CTTNBP2: variants seen among roughly 807,000 people sequenced by gnomAD.
The protein encoded by CTTNBP2 is cortactin-binding protein 2.
CTTNBP2 carries 108 observed loss-of-function variants against 156.9 expected under a neutral mutation model. The ratio of observed to expected loss-of-function variants is 0.69; its 90% CI spans 0.59 to 0.81. CTTNBP2 has a LOEUF of 0.81. CTTNBP2 is among the 30% of genes least tolerant of loss of function. CTTNBP2 has a pLI of 0.00. For missense variants in CTTNBP2, 1,924 were observed against 2,035.4 expected (o/e 0.95, Z 1.05); for synonymous variants, 767 against 751.8 (o/e 1.02, Z -0.33).
intron 8 of CTTNBP2, among the ~76,000 whole-genome samples, chr7:117,774,258 G>C (rs1797978546): frequency 6.6e-6 from 1 of 152,112 alleles, no homozygotes; most frequent in Non-Finnish European, 1.5e-5. Context: ...GTGGAAAAAG[G>C]ACAGATTTGG....
At chr7:117,867,970 T>C (rs1487393981) in intron 1 of CTTNBP2, among the ~76,000 whole-genome samples, 1 of 152,194 alleles carries the variant, frequency 6.6e-6, no homozygotes, top group Admixed American at 6.5e-5. Context: ...CTGGAAAGAA[T>C]GGCAGAAAAG....
intron 11 of CTTNBP2, 83 bp downstream of exon 11, chr7:117,757,792 C>T (rs753904535): frequency 1.7e-5 from 14 of 823,404 alleles, no homozygotes; most frequent in Non-Finnish European, 2.1e-5. Flanking sequence ...TGGGATGAAA[C>T]GTGAAGATTT....
At chr7:117,798,292 CA>C (rs1418501554) in intron 3 of CTTNBP2, among the ~76,000 whole-genome samples, 1 of 151,854 alleles carries the variant, frequency 6.6e-6, no homozygotes, top group African/African-American at 2.4e-5. Flanking sequence ...TAGAATATAC[CA>C]AAACTACAAA....
chr7:117,830,811 C>T (rs911571792), intron 2 of CTTNBP2, among the ~76,000 whole-genome samples: 3 of 152,134 alleles, frequency 2.0e-5, no homozygotes, highest in Non-Finnish European at 4.4e-5. Context: ...ACTTCTCTGG[C>T]TGAATTAATT....
rs775369236 is a variant in CTTNBP2, at chr7:117,734,934, T to A, written c.3855A>T (p.Leu1285Phe). 1.3e-6 allele frequency: 2 copies of A among 1,599,726 alleles called. No homozygotes were observed. Among genetic ancestry groups the A allele is most frequent in the Non-Finnish European group, 1.7e-6 (2 of 1,170,332 alleles). ...EPMQGLLQRF[L>F]RRKVVNKFKG... Reference sequence around the variant, plus strand: ...TTACCTTATTCACAACTTTCCTTCGTAAGAACCTCTGCAGCAGTCCTTGCA... The same window carrying A: ...TTACCTTATTCACAACTTTCCTTCGAAAGAACCTCTGCAGCAGTCCTTGCA... The change falls in exon 16 of 23, where the codon TTA (leucine) becomes TTT (phenylalanine). Residue 1285 changes from leucine (L) to phenylalanine (F), a missense_variant. Physicochemically the swap from Leu to Phe is conservative, Grantham distance 22. Transcript: ENST00000160373.
chr7:117,860,185 A>G (rs1012565489), intron 2 of CTTNBP2, among the ~76,000 whole-genome samples: 9 of 152,200 alleles, frequency 5.9e-5, no homozygotes, highest in Admixed American at 2.0e-4. Flanking sequence ...ACCAAGAACC[A>G]AAAAATAACT....
intron 4 of CTTNBP2, among the ~76,000 whole-genome samples, chr7:117,786,755 T>C (rs1798723454): frequency 6.6e-6 from 1 of 152,236 alleles, no homozygotes; most frequent in African/African-American, 2.4e-5. Flanking sequence ...ATCTAGGCTT[T>C]TGAGGGGAGG....
rs1306546163 is a variant in CTTNBP2, at chr7:117,791,803, T to C, written c.1393A>G (p.Thr465Ala). 6.2e-7 allele frequency: 1 copy of C among 1,614,094 alleles called. No individual in the cohort carries two copies. Among genetic ancestry groups the C allele is most frequent in the African/African-American group, 1.3e-5 (1 of 74,934 alleles). Reference sequence around the variant, plus strand: ...TCTCTTGACGGAGGACTTTGGGTAGTATTTCCATTTTGGTCTGGGTCGTTA... The same window carrying C: ...TCTCTTGACGGAGGACTTTGGGTAGCATTTCCATTTTGGTCTGGGTCGTTA... ...NANDPDQNGN[T>A]TQSPPSRDVS... The change falls in exon 4 of 23, where the codon ACT becomes GCT. Residue 465 changes from threonine to alanine, a missense_variant. Physicochemically the swap from Thr to Ala is moderately conservative, Grantham distance 58. Transcript: ENST00000160373.
At chr7:117,834,886 C>T (rs1038963844) in intron 2 of CTTNBP2, among the ~76,000 whole-genome samples, 67 of 152,300 alleles carry the variant, frequency 4.4e-4, no homozygotes, top group African/African-American at 1.5e-3. Flanking sequence ...GTTGGGTTTA[C>T]TTACTCAAAA....
chr7:117,734,966 C>G lies in CTTNBP2; in HGVS notation c.3823G>C (p.Glu1275Gln). Residue 1275 changes from glutamate (E) to glutamine (Q), a missense_variant, in exon 16 of 23, where the codon GAG becomes CAG. By Grantham distance (29) the Glu-to-Gln change is conservative. Transcript: ENST00000160373. ...FRWVQLRWDG[E>Q]PMQGLLQRFL... ...CTCTGCAGCAGTCCTTGCATGGGCT[C>G]GCCATCCCACCGCAGCTGCACCCAG... 2 of 1,613,452 alleles carry G rather than the reference C, an allele frequency of 1.2e-6. No homozygotes were observed. The highest frequency in any genetic ancestry group is 8.5e-7 in the Non-Finnish European group (1 of 1,179,460).
chr7:117,803,539 A>T (rs992133724), intron 3 of CTTNBP2, among the ~76,000 whole-genome samples: 6 of 152,210 alleles, frequency 3.9e-5, no homozygotes, highest in African/African-American at 1.4e-4. Flanking sequence ...ATAAAATCGA[A>T]ATTATTTTTT....
At chr7:117,736,440 GAA>G (rs572104388) in intron 14 of CTTNBP2, among the ~76,000 whole-genome samples, 112 of 144,508 alleles carry the variant, frequency 7.8e-4, no homozygotes, top group African/African-American at 2.7e-3. Flanking sequence ...ACTGTGTCTA[GAA>G]AAAAAAAAAA....
Position 117,746,044 on chromosome 7 carries a change from T to A in CTTNBP2, c.3404A>T (p.Tyr1135Phe), listed in dbSNP as rs1025905057. Residue 1135 changes from tyrosine to phenylalanine, a missense_variant, in exon 13 of 23, where the codon TAC (tyrosine) becomes TTC (phenylalanine). Physicochemically the swap from Tyr to Phe is conservative, Grantham distance 22 (BLOSUM62 3). Transcript: ENST00000160373. Reference protein sequence around the residue: ...FHGPEGSLQDYIVHQLALCLK... With the variant: ...FHGPEGSLQDFIVHQLALCLK... The stretch of plus-strand genomic sequence containing the variant: ...GCAGAGTGCAAGCTGATGTACTATG[T>A]AGTCTTGCAAGCTTCCTTCTGGGCC... The A allele has an allele frequency of 6.2e-7, 1 of 1,614,110 alleles. No individual in the cohort carries two copies. Among genetic ancestry groups the A allele is most frequent in the Admixed American group, 1.7e-5 (1 of 60,034 alleles).
intron 10 of CTTNBP2, among the ~76,000 whole-genome samples, chr7:117,758,765 A>T: frequency 6.6e-6 from 1 of 152,208 alleles, no homozygotes; most frequent in East Asian, 1.9e-4. Context: ...GCACTAAACT[A>T]AGTCCTTTAT....
chr7:117,849,224 T>C (rs561025351), intron 2 of CTTNBP2, among the ~76,000 whole-genome samples: 3 of 152,236 alleles, frequency 2.0e-5, no homozygotes, highest in Non-Finnish European at 4.4e-5. Context: ...CCCGATGTGA[T>C]GTTACACAAA....
chr7:117,780,536 C>T lies in CTTNBP2; in HGVS notation c.2428G>A (p.Gly810Arg), dbSNP rs996694154. Residue 810 changes from glycine to arginine, a missense_variant, in exon 7 of 23, where the codon GGA (glycine) becomes AGA (arginine). By Grantham distance (125) the Gly-to-Arg change is moderately radical. Coordinates refer to ENST00000160373, the MANE Select transcript of CTTNBP2 (RefSeq NM_033427.3). ...CAGGCCAGGTATAGAGGTGTCTGTCCTCCATCAGCAGCATGATTAATGTTA... is the reference window on the plus strand; with the variant it reads ...CAGGCCAGGTATAGAGGTGTCTGTCTTCCATCAGCAGCATGATTAATGTTA... ...DANINHAADG[G>R]QTPLYLACKN... is the part of the protein sequence containing the mutation. 13 of 1,593,424 alleles carry T rather than the reference C, an allele frequency of 8.2e-6. No homozygotes were observed. The African/African-American group carries it at 1.4e-4, about 17-fold the overall frequency.
chr7:117,863,272 G>A (rs573429977), intron 1 of CTTNBP2, among the ~76,000 whole-genome samples: 8 of 152,296 alleles, frequency 5.3e-5, no homozygotes, highest in East Asian at 3.9e-4. Context: ...AAAGGCAAGC[G>A]CTAAGGATAA....
chr7:117,812,651 T>C (rs34308090), intron 2 of CTTNBP2, among the ~76,000 whole-genome samples: 1,729 of 152,342 alleles, frequency 0.011, 37 homozygotes, highest in African/African-American at 0.039. Flanking sequence ...TCGGTGTTTC[T>C]AGATTCTTTA....
At chr7:117,729,998 G>A (rs1795316811) in intron 16 of CTTNBP2, among the ~76,000 whole-genome samples, 1 of 152,124 alleles carries the variant, frequency 6.6e-6, no homozygotes, top group South Asian at 2.1e-4. Context: ...CAAAAGGGAT[G>A]AATAAATGAC....
Sources: gnomAD v4.1 joint callset for allele counts (sites outside exome capture counted in the v4.1 genomes callset) on GRCh38, gnomAD v4.1.1 for gene constraint, MANE v1.5 for transcripts, NCBI Gene and HGNC (gene_info 2026-07-23, HGNC 2026-07-21) for gene names.